CATSPERE: variants seen among roughly 807,000 people sequenced by gnomAD.
The protein encoded by CATSPERE is catsper channel auxiliary subunit epsilon.
In CATSPERE, 93 loss-of-function variants were observed where a neutral mutation model predicts 114.1. The observed-to-expected ratio is 0.81, with a 90% confidence interval of 0.69 to 0.97. CATSPERE has a LOEUF of 0.97. Among genes scored for constraint, CATSPERE ranks in the 50% least tolerant of loss-of-function variants. The pLI, the probability that CATSPERE is intolerant of heterozygous loss-of-function variation, is 0.00. For missense variants in CATSPERE, 1,058 were observed against 1,131.6 expected (o/e 0.93, Z 0.93); for synonymous variants, 341 against 384.1 (o/e 0.89, Z 1.31).
intron 9 of CATSPERE, among the ~76,000 whole-genome samples, chr1:244,554,414 C>T (rs568738124): frequency 9.9e-5 from 15 of 152,246 alleles, no homozygotes; most frequent in South Asian, 2.1e-4. Flanking sequence ...CCTGTAGTTG[C>T]AGCACTTCGG....
At chr1:244,605,416 T>C (rs1669855628) in intron 17 of CATSPERE, among the ~76,000 whole-genome samples, 1 of 152,212 alleles carries the variant, frequency 6.6e-6, no homozygotes, top group Non-Finnish European at 1.5e-5. Context: ...ACATTTCTCC[T>C]TCATTACTAT....
At chr1:244,601,885 C>T (rs1265099355) in intron 17 of CATSPERE, among the ~76,000 whole-genome samples, 1 of 152,052 alleles carries the variant, frequency 6.6e-6, no homozygotes, top group African/African-American at 2.4e-5. Flanking sequence ...ACCCAAGAGG[C>T]AGAGGTTGCA....
chr1:244,554,896 T>C (rs1026694778), intron 9 of CATSPERE, among the ~76,000 whole-genome samples: 2 of 152,132 alleles, frequency 1.3e-5, no homozygotes, highest in Non-Finnish European at 2.9e-5. Context: ...AAAAAAATTC[T>C]AGCAAACTGA....
chr1:244,570,003 C>T (rs913651184), intron 10 of CATSPERE, among the ~76,000 whole-genome samples: 3 of 152,148 alleles, frequency 2.0e-5, no homozygotes, highest in African/African-American at 7.2e-5. Flanking sequence ...GAATATTTTC[C>T]TCCTAAGTAC....
rs1343324610 is a variant in CATSPERE at position 244,508,289 on chromosome 1, C to T, written c.429+9210C>T. ...TTTGTTATTGGTGTAAGAAACACTACTGTTTTTTCTTTTCTTTTTTTTTTT... is the reference window on the plus strand; with the variant it reads ...TTTGTTATTGGTGTAAGAAACACTATTGTTTTTTCTTTTCTTTTTTTTTTT... On this transcript the variant is annotated intron_variant, in intron 7 of 21. Transcript: ENST00000366534. Among the ~76,000 whole-genome samples, 5 of 149,588 alleles carry T rather than the reference C, an allele frequency of 3.3e-5. No individual in the cohort carries two copies. The East Asian group carries it at 9.8e-4, about 29-fold the overall frequency.
At chr1:244,522,943 C>T (rs1475269768) in intron 8 of CATSPERE, among the ~76,000 whole-genome samples, 2 of 152,098 alleles carry the variant, frequency 1.3e-5, no homozygotes, top group Non-Finnish European at 2.9e-5. Flanking sequence ...TGAAACTATT[C>T]CAATCAGTAG....
chr1:244,482,124 A>G (rs1227207529), intron 5 of CATSPERE, among the ~76,000 whole-genome samples: 1 of 152,174 alleles, frequency 6.6e-6, no homozygotes, highest in Non-Finnish European at 1.5e-5. Flanking sequence ...TTTCTGTAAT[A>G]TATATTGTAA....
intron 6 of CATSPERE, among the ~76,000 whole-genome samples, chr1:244,496,865 C>G (rs962412556): frequency 6.6e-6 from 1 of 152,130 alleles, no homozygotes; most frequent in African/African-American, 2.4e-5. Flanking sequence ...GAGATACTAA[C>G]TCTTGAAAAG....
intron 20 of CATSPERE, among the ~76,000 whole-genome samples, chr1:244,618,157 A>AG: frequency 6.6e-6 from 1 of 152,350 alleles, no homozygotes; most frequent in Middle Eastern, 3.4e-3. Flanking sequence ...TTTCTGGAGA[A>AG]CACAGAACAT....
rs774466015 is a variant in CATSPERE, at chr1:244,461,429, C to T, written c.-1C>T. 35 of 1,379,088 alleles carry T rather than the reference C, an allele frequency of 2.5e-5. No homozygotes were observed. The highest frequency in any genetic ancestry group is 1.8e-5 in the Non-Finnish European group (19 of 1,056,478). 85.4% of individuals were successfully genotyped at this position (1,379,088 alleles called of 1,614,324 possible). A position where few individuals can be genotyped will look rare whatever the true frequency, so the allele number is the denominator to read the frequency against. ...GGTTGGGCGGAGGCGGAGCAGGCGC[C>T]ATGTCAGCCCGGGAAGTGGCCGTGC... On this transcript the variant is annotated 5_prime_UTR_variant, in exon 1 of 22. Coordinates refer to ENST00000366534, the MANE Select transcript of CATSPERE (RefSeq NM_001130957.2).
chr1:244,463,463 C>A (rs1667124316), intron 1 of CATSPERE, among the ~76,000 whole-genome samples: 1 of 151,940 alleles, frequency 6.6e-6, no homozygotes, highest in Non-Finnish European at 1.5e-5. Flanking sequence ...TCACTTGAGC[C>A]TGGGAGGTCA....
chr1:244,620,526 C>T (rs1671953541), intron 20 of CATSPERE, among the ~76,000 whole-genome samples: 1 of 152,032 alleles, frequency 6.6e-6, no homozygotes, highest in African/African-American at 2.4e-5. Flanking sequence ...CTGTAAGTTA[C>T]AATAATCTCA....
chr1:244,517,404 A>T (rs1032244616), intron 7 of CATSPERE, among the ~76,000 whole-genome samples: 1 of 151,974 alleles, frequency 6.6e-6, no homozygotes, highest in African/African-American at 2.4e-5. Context: ...TGAATAGTGA[A>T]TATGATTTTC....
intron 12 of CATSPERE, among the ~76,000 whole-genome samples, 193 bp downstream of exon 12, chr1:244,582,047 A>G (rs953673417): frequency 4.6e-5 from 7 of 152,254 alleles, no homozygotes; most frequent in Non-Finnish European, 7.3e-5. Flanking sequence ...GTAGTTGAAT[A>G]AGAAACATGA....
chr1:244,499,092 A>G lies in CATSPERE; in HGVS notation c.429+13A>G, dbSNP rs1673581126. On this transcript the variant is annotated intron_variant, in intron 7 of 21. Transcript: ENST00000366534. Reference sequence around the variant, plus strand: ...AGAACCTTCAATAGTAGGTGGAAACATTAGTATCGTCATAGTAAGAACAGA... The same window carrying G: ...AGAACCTTCAATAGTAGGTGGAAACGTTAGTATCGTCATAGTAAGAACAGA... The G allele has an allele frequency of 1.3e-6, 2 of 1,582,140 alleles. No individual in the cohort carries two copies. Among genetic ancestry groups the G allele is most frequent in the African/African-American group, 1.3e-5 (1 of 74,174 alleles).
At chr1:244,591,537 T>C in intron 14 of CATSPERE, 144 bp from the exon 15 acceptor site, 1 of 537,292 alleles carries the variant, frequency 1.9e-6, no homozygotes, top group Non-Finnish European at 3.4e-6. Context: ...ATGCTAAGGC[T>C]ACACACTAAC....
chr1:244,487,953 C>T (rs992439004), intron 5 of CATSPERE, among the ~76,000 whole-genome samples: 2 of 152,134 alleles, frequency 1.3e-5, no homozygotes, highest in Non-Finnish European at 2.9e-5. Context: ...TGCCTCTTTC[C>T]CCAGGCTCTC....
chr1:244,550,841 T>A (rs2148493094), intron 8 of CATSPERE, among the ~76,000 whole-genome samples: 1 of 152,330 alleles, frequency 6.6e-6, no homozygotes, highest in South Asian at 2.1e-4. Flanking sequence ...CAGTGCTGAC[T>A]GAACATCTTT....
rs1416172950 is a variant in CATSPERE at position 244,618,003 on chromosome 1, G to A, written c.2648+317G>A. Among the ~76,000 whole-genome samples the A allele has an allele frequency of 5.9e-5, 9 of 152,200 alleles. No homozygotes were observed. In the South Asian group the frequency reaches 6.2e-4, roughly 11 times the overall value. ...CCTGGAGAAGGAGGAGTTGGGGGAGGGATGCACATAAAAGCCAAGAAAAGT... is the reference window on the plus strand; with the variant it reads ...CCTGGAGAAGGAGGAGTTGGGGGAGAGATGCACATAAAAGCCAAGAAAAGT... On this transcript the variant is annotated intron_variant, in intron 20 of 21. Coordinates refer to ENST00000366534, the MANE Select transcript of CATSPERE (RefSeq NM_001130957.2).
Sources: allele counts gnomAD v4.1 joint callset (sites outside exome capture counted in the v4.1 genomes callset), GRCh38; gene constraint gnomAD v4.1.1; transcripts MANE v1.5; gene names NCBI Gene and HGNC (gene_info 2026-07-23, HGNC 2026-07-21).